UGT1A8: variants seen among roughly 807,000 people sequenced by gnomAD.
The protein encoded by UGT1A8 is UDP-glucuronosyltransferase 1A8.
In UGT1A8, 39 loss-of-function variants were observed where a neutral mutation model predicts 45.3. That is an observed-to-expected ratio of 0.86 (90% CI 0.67 to 1.12). The LOEUF is 1.12. Among genes scored for constraint, UGT1A8 ranks in the 50% most tolerant of loss-of-function variants. The probability of loss-of-function intolerance (pLI) is 0.00; values close to 1 mark genes in which losing one functional copy is unlikely to be tolerated. For synonymous variants in UGT1A8, 275 were observed against 249.2 expected (o/e 1.10, Z -0.97); for missense variants, 719 against 664.9 (o/e 1.08, Z -0.90).
Position 233,638,557 on chromosome 2 carries a change from C to T in UGT1A8, c.855+19995C>T, listed in dbSNP as rs538576547. Among the ~76,000 whole-genome samples, 211 of 152,202 alleles carry T rather than the reference C, an allele frequency of 1.4e-3. 1 individual carries two copies. The highest frequency in any genetic ancestry group is 4.7e-3 in the African/African-American group (194 of 41,530). ...AGAGTAGCCAGTTTAAATAGGGATT[C>T]GGTTGCTTGTGACTGAAAAATCCTT... On this transcript the variant is annotated intron_variant, in intron 1 of 4. Coordinates refer to ENST00000373450, the MANE Select transcript of UGT1A8 (RefSeq NM_019076.5).
At position 233,772,325 on chromosome 2, in the gene UGT1A8, C is replaced by CGTGTT; in HGVS notation, c.1359_1360insGTGTT (p.Leu454ValfsTer11). The CGTGTT allele has an allele frequency of 6.2e-7, 1 of 1,614,136 alleles. No individual in the cohort carries two copies. Among genetic ancestry groups the CGTGTT allele is most frequent in the Non-Finnish European group, 8.5e-7 (1 of 1,180,020 alleles). ...AGGACCGCCCGGTGGAGCCGCTGGA[C>CGTGTT]CTGGCCGTGTTCTGGGTGGAGTTTG... On this transcript the variant is annotated frameshift_variant, in exon 5 of 5. Transcript: ENST00000373450. LOFTEE classifies it high-confidence loss of function.
intron 1 of UGT1A8, among the ~76,000 whole-genome samples, chr2:233,658,018 C>CTTTT (rs34352422): frequency 7.8e-6 from 1 of 128,076 alleles, no homozygotes; most frequent in African/African-American, 2.9e-5. Context: ...GTTTCCTCCT[C>CTTTT]TTTTTTTTTT....
chr2:233,759,108 C>T (rs1480612171), intron 1 of UGT1A8, among the ~76,000 whole-genome samples: 2 of 152,176 alleles, frequency 1.3e-5, no homozygotes, highest in African/African-American at 2.4e-5. Flanking sequence ...AGTTTGCAAA[C>T]CAGGGAGTTA....
At chr2:233,685,934 CA>C (rs2074765485) in intron 1 of UGT1A8, among the ~76,000 whole-genome samples, 1 of 152,060 alleles carries the variant, frequency 6.6e-6, no homozygotes, top group African/African-American at 2.4e-5. Context: ...CTGATTGTCT[CA>C]AAAAAGTCTT....
chr2:233,618,612 T>TA (rs767192168), intron 1 of UGT1A8, 50 bp downstream of exon 1: 2 of 1,543,680 alleles, frequency 1.3e-6, no homozygotes, highest in Middle Eastern at 1.7e-4. Context: ...CTTTGGAAAT[T>TA]AAAAAAAGAT....
chr2:233,646,665 G>A (rs1405751774), intron 1 of UGT1A8, among the ~76,000 whole-genome samples: 2 of 152,092 alleles, frequency 1.3e-5, no homozygotes, highest in African/African-American at 2.4e-5. Flanking sequence ...AGTTCCCAAC[G>A]AGTTCCTCAT....
At chr2:233,620,258 T>A (rs1038860900) in intron 1 of UGT1A8, among the ~76,000 whole-genome samples, 1 of 152,174 alleles carries the variant, frequency 6.6e-6, no homozygotes, top group African/African-American at 2.4e-5. Flanking sequence ...CACGGCAAGA[T>A]CAGGTGAAGA....
intron 2 of UGT1A8, among the ~76,000 whole-genome samples, chr2:233,767,644 C>T (rs983421121): frequency 2.0e-5 from 3 of 152,120 alleles, no homozygotes; most frequent in South Asian, 4.1e-4. Flanking sequence ...CACAAATTCA[C>T]GTAGTGCATA....
At chr2:233,721,693 G>A (rs905890959) in intron 1 of UGT1A8, 13 of 351,018 alleles carry the variant, frequency 3.7e-5, no homozygotes, top group African/African-American at 6.4e-5. Context: ...TCTGCAAGAC[G>A]CATGGCTCAT....
chr2:233,688,285 A>G (rs1367032725), intron 1 of UGT1A8, among the ~76,000 whole-genome samples: 3 of 152,182 alleles, frequency 2.0e-5, no homozygotes, highest in Non-Finnish European at 2.9e-5. Flanking sequence ...GTATGGATTT[A>G]CCGCATTTTT....
At chr2:233,630,996 C>T (rs2073176981) in intron 1 of UGT1A8, among the ~76,000 whole-genome samples, 1 of 152,036 alleles carries the variant, frequency 6.6e-6, no homozygotes, top group Non-Finnish European at 1.5e-5. Flanking sequence ...GGCCCTCACC[C>T]CCCGACAGGC....
At chr2:233,671,630 G>T (rs1293270060) in intron 1 of UGT1A8, among the ~76,000 whole-genome samples, 1 of 152,106 alleles carries the variant, frequency 6.6e-6, no homozygotes, top group Non-Finnish European at 1.5e-5. Flanking sequence ...AACCTTCAAG[G>T]TCCAAAAGCA....
At chr2:233,657,472 C>A (rs555047307) in intron 1 of UGT1A8, among the ~76,000 whole-genome samples, 2 of 152,210 alleles carry the variant, frequency 1.3e-5, no homozygotes, top group East Asian at 3.9e-4. Flanking sequence ...GAGGGGTTGC[C>A]AGGATCTTTT....
rs1029804751 is a variant in UGT1A8, at chr2:233,760,707, G to A, written c.856-6327G>A. ...ACAACAAGGAGCTCATGGCCTCCCT[G>A]GCAGAAAGCAGCTTTGATGTCATGC... On this transcript the variant is annotated intron_variant, in intron 1 of 4. Transcript: ENST00000373450. 6.8e-6 allele frequency: 11 copies of A among 1,614,064 alleles called. No individual in the cohort carries two copies. The East Asian group carries it at 8.9e-5, about 13-fold the overall frequency.
intron 1 of UGT1A8, among the ~76,000 whole-genome samples, chr2:233,705,256 ATGGGGTCACT>A (rs1239018382): frequency 6.6e-6 from 1 of 152,108 alleles, no homozygotes; most frequent in Admixed American, 6.6e-5. Flanking sequence ...AGATTATTCT[ATGGGGTCACT>A]TGCTTTCAAC....
At chr2:233,755,984 T>G (rs1407833080) in intron 1 of UGT1A8, 1 of 152,244 alleles carries the variant, frequency 6.6e-6, no homozygotes, top group African/African-American at 2.4e-5. Flanking sequence ...TGGATTCTCA[T>G]GTCAGCTTCT....
rs761460157 is a variant in UGT1A8, at chr2:233,672,039, G to A, written c.855+53477G>A. On this transcript the variant is annotated intron_variant, in intron 1 of 4. Coordinates refer to ENST00000373450, the MANE Select transcript of UGT1A8 (RefSeq NM_019076.5). ...AGCTACTGGTAGTGCCCATGGATGG[G>A]AGCCACTGGTTCACCATGAGGTCGG... The A allele has an allele frequency of 3.7e-6, 6 of 1,614,034 alleles. No homozygotes were observed. The African/African-American group carries it at 8.0e-5, about 22-fold the overall frequency.
chr2:233,727,605 T>G (rs973059053), intron 1 of UGT1A8, among the ~76,000 whole-genome samples: 2 of 152,184 alleles, frequency 1.3e-5, no homozygotes, highest in African/African-American at 4.8e-5. Flanking sequence ...GTTGGAGGAA[T>G]AGTTCAGAGG....
chr2:233,699,260 A>G (rs1470391564), intron 1 of UGT1A8, among the ~76,000 whole-genome samples: 2 of 151,766 alleles, frequency 1.3e-5, no homozygotes, highest in African/African-American at 4.8e-5. Flanking sequence ...TCCTCTTCCT[A>G]TAGGGGCTTG....
Sources: gnomAD v4.1 joint callset for allele counts (sites outside exome capture counted in the v4.1 genomes callset) on GRCh38, gnomAD v4.1.1 for gene constraint, MANE v1.5 for transcripts, NCBI Gene and HGNC (gene_info 2026-07-23, HGNC 2026-07-21) for gene names.